RANBP2: variants seen among roughly 807,000 people sequenced by gnomAD.
RANBP2 encodes E3 SUMO-protein ligase RanBP2.
A neutral mutation model predicts 303.6 loss-of-function variants in RANBP2; 57 were observed. The ratio of observed to expected loss-of-function variants is 0.19; its 90% CI spans 0.15 to 0.23. The LOEUF is 0.23. Ranked by LOEUF, RANBP2 falls within the 10% of genes least tolerant of loss-of-function variation. RANBP2 has a pLI of 1.00. For missense variants in RANBP2, 3,138 were observed against 3,780.8 expected (o/e 0.83, Z 4.46); for synonymous variants, 1,167 against 1,301.5 (o/e 0.90, Z 2.23).
At chr2:109,375,449 G>A in the RANBP2 span, among the ~76,000 whole-genome samples, 2 of 152,208 alleles carry the variant, frequency 1.3e-5, no homozygotes, top group African/African-American at 4.8e-5. Context: ...GGCACAGAGA[G>A]GAGTGGGCCT....
chr2:109,695,829 A>G, the RANBP2 span, among the ~76,000 whole-genome samples: 1 of 152,194 alleles, frequency 6.6e-6, no homozygotes, highest in East Asian at 1.9e-4. Context: ...GAATTTGCCA[A>G]AAAGGTTTTT....
chr2:108,748,893 T>G, intron 8 of RANBP2, 27 bp from the exon 9 acceptor site: 2 of 1,611,962 alleles, frequency 1.2e-6, no homozygotes, highest in African/African-American at 2.7e-5. Context: ...TTTAAAGTGA[T>G]GGAAATAACT....
the RANBP2 span, among the ~76,000 whole-genome samples, chr2:109,159,360 C>T: frequency 7.2e-5 from 11 of 152,302 alleles, no homozygotes; most frequent in East Asian, 1.4e-3. Context: ...AGCCCCAGGG[C>T]GAGGGTGTAT....
At chr2:109,325,017 C>A in the RANBP2 span, among the ~76,000 whole-genome samples, 1 of 150,482 alleles carries the variant, frequency 6.6e-6, no homozygotes, top group East Asian at 1.9e-4. Flanking sequence ...CTTTGGCTTG[C>A]GTAAGAGATG....
the RANBP2 span, among the ~76,000 whole-genome samples, chr2:109,591,790 T>G: frequency 2.0e-5 from 3 of 152,012 alleles, no homozygotes; most frequent in African/African-American, 7.2e-5. Flanking sequence ...CATAGCTATT[T>G]GGGGGGCTGA....
At chr2:109,725,806 C>T in the RANBP2 span, among the ~76,000 whole-genome samples, 3 of 151,930 alleles carry the variant, frequency 2.0e-5, no homozygotes, top group African/African-American at 7.3e-5. Flanking sequence ...GATCTTGGCT[C>T]ACTGCAACCT....
chr2:109,433,538 C>G, the RANBP2 span, among the ~76,000 whole-genome samples: 3 of 152,220 alleles, frequency 2.0e-5, no homozygotes, highest in Non-Finnish European at 4.4e-5. Flanking sequence ...GACACACACA[C>G]AGAAGCGAAA....
At chr2:109,449,513 C>T in the RANBP2 span, 5 of 1,608,384 alleles carry the variant, frequency 3.1e-6, no homozygotes, top group Non-Finnish European at 4.2e-6. Context: ...CCTGGACGAG[C>T]CCTGGGCTCG....
chr2:109,139,428 C>G, the RANBP2 span, among the ~76,000 whole-genome samples: 1 of 152,286 alleles, frequency 6.6e-6, no homozygotes, highest in African/African-American at 2.4e-5. Context: ...TGCTCTCACA[C>G]AGTCACACTC....
the RANBP2 span, among the ~76,000 whole-genome samples, chr2:109,511,703 G>T: frequency 0.077 from 11,778 of 152,286 alleles, 588 homozygotes; most frequent in East Asian, 0.22. Flanking sequence ...TGAGACCAGG[G>T]CCAGGGCTGG....
At chr2:108,790,208 T>C (rs1679679621), downstream of RANBP2, among the ~76,000 whole-genome samples, 2 of 152,214 alleles carry the variant, frequency 1.3e-5, no homozygotes, top group African/African-American at 4.8e-5. Context: ...AGATTTAGGA[T>C]TTAGACATGA....
At position 108,766,379 on chromosome 2, in the gene RANBP2, T is replaced by G. The variant is rs1677122759; in HGVS notation, c.5840T>G (p.Phe1947Cys). The G allele has an allele frequency of 6.2e-7, 1 of 1,611,858 alleles. No individual in the cohort carries two copies. Among genetic ancestry groups the G allele is most frequent in the Non-Finnish European group, 8.5e-7 (1 of 1,179,850 alleles). The change falls in exon 20 of 29, where the codon TTT becomes TGT. Residue 1947 changes from phenylalanine (F) to cysteine (C), a missense_variant. Around this residue, in one of 20 missense-constraint regions of RANBP2, gnomAD observed 348 missense variants for 360.4 expected, o/e 0.97. Transcript: ENST00000283195. ...GGCCAAACAAGTAGCACTTTTACAT[T>G]TGCAGATCTTGCAAAATCAACTTCA... ...IFGQTSSTFT[F>C]ADLAKSTSGE... is the part of the protein sequence containing the mutation.
chr2:109,004,180 C>T, the RANBP2 span, among the ~76,000 whole-genome samples: 2 of 152,200 alleles, frequency 1.3e-5, no homozygotes, highest in African/African-American at 4.8e-5. Context: ...ATCTCAGGAG[C>T]TCATGGCAAC....
the RANBP2 span, among the ~76,000 whole-genome samples, chr2:108,979,973 G>A: frequency 6.8e-6 from 1 of 146,070 alleles, no homozygotes; most frequent in Non-Finnish European, 1.5e-5. Flanking sequence ...TGAGTCTCCT[G>A]GCCTCTGCTT....
the RANBP2 span, among the ~76,000 whole-genome samples, chr2:109,448,405 A>G: frequency 7.7e-4 from 118 of 152,288 alleles, no homozygotes; most frequent in African/African-American, 2.8e-3. Context: ...GCAGGTTGTG[A>G]GTGGTGGGTG....
chr2:108,784,829 G>C lies in RANBP2; in HGVS notation c.*928G>C, dbSNP rs1022728851. 4 of 122,710 alleles carry C rather than the reference G, an allele frequency of 3.3e-5. No individual in the cohort carries two copies. The highest frequency in any genetic ancestry group is 2.9e-4 in the Admixed American group (4 of 13,752). 7.6% of individuals were successfully genotyped at this position (122,710 alleles called of 1,614,324 possible). A position where few individuals can be genotyped will look rare whatever the true frequency, so the allele number is the denominator to read the frequency against. On this transcript the variant is annotated 3_prime_UTR_variant, in exon 29 of 29. Transcript: ENST00000283195. ...CAAAAAATTCATTACTTACGCTTCGGGTTCATTCTAAAGTAAGGAAGACAA... is the reference window on the plus strand; with the variant it reads ...CAAAAAATTCATTACTTACGCTTCGCGTTCATTCTAAAGTAAGGAAGACAA...
chr2:108,812,444 T>C, the RANBP2 span: 1 of 153,322 alleles, frequency 6.5e-6, no homozygotes, highest in African/African-American at 2.4e-5. Flanking sequence ...TAAATGATCT[T>C]ACAAACCATT....
chr2:108,843,112 C>G, the RANBP2 span, among the ~76,000 whole-genome samples: 1 of 151,666 alleles, frequency 6.6e-6, no homozygotes, highest in East Asian at 1.9e-4. Flanking sequence ...TCATTATATC[C>G]TATCTATCTG....
the RANBP2 span, among the ~76,000 whole-genome samples, chr2:108,921,969 G>A: frequency 6.6e-6 from 1 of 152,256 alleles, no homozygotes; most frequent in Admixed American, 6.5e-5. Context: ...CAAGGGCTGG[G>A]GGTGGGAGTG....
Sources: allele counts gnomAD v4.1 joint callset (sites outside exome capture counted in the v4.1 genomes callset), GRCh38; gene constraint gnomAD v4.1.1; regional missense constraint gnomAD v4.1.1; transcripts MANE v1.5; gene names NCBI Gene and HGNC (gene_info 2026-07-23, HGNC 2026-07-21).